Variants in CHODL observed in about 807,000 individuals in gnomAD.
CHODL encodes transmembrane protein MT75.
In CHODL, 29 loss-of-function variants were observed where a neutral mutation model predicts 34.5. The observed-to-expected ratio is 0.84, with a 90% confidence interval of 0.63 to 1.15. The LOEUF (loss-of-function observed/expected upper bound fraction) is 1.15. Ranked by LOEUF, CHODL falls within the 50% of genes most tolerant of loss-of-function variation. CHODL has a pLI of 0.00. For missense variants in CHODL, 332 were observed against 332.5 expected (o/e 1.00, Z 0.01); for synonymous variants, 125 against 116.1 (o/e 1.08, Z -0.49).
intron 2 of CHODL, among the ~76,000 whole-genome samples, chr21:18,042,933 A>G (rs1349381791): frequency 3.9e-5 from 6 of 151,916 alleles, no homozygotes; most frequent in African/African-American, 1.2e-4. Context: ...TAACTAATTC[A>G]AAATACCTTT....
intron 2 of CHODL, among the ~76,000 whole-genome samples, chr21:18,035,544 T>A (rs1260713210): frequency 2.6e-5 from 4 of 152,022 alleles, no homozygotes; most frequent in African/African-American, 7.2e-5. Flanking sequence ...AACAGTTTTT[T>A]CTTTTCCCTC....
chr21:18,250,004 C>A (rs1042206772), intron 1 of CHODL, among the ~76,000 whole-genome samples: 2 of 152,106 alleles, frequency 1.3e-5, no homozygotes, highest in Non-Finnish European at 2.9e-5. Context: ...CATCTCTCAC[C>A]AGGAGAGGTC....
intron 2 of CHODL, among the ~76,000 whole-genome samples, chr21:18,206,892 T>C (rs1188631152): frequency 7.2e-6 from 1 of 139,726 alleles, no homozygotes; most frequent in Non-Finnish European, 1.6e-5. Context: ...ATTATTATTA[T>C]TATTTTATTA....
chr21:18,203,071 T>G (rs1159546023), intron 2 of CHODL, among the ~76,000 whole-genome samples: 9 of 152,074 alleles, frequency 5.9e-5, no homozygotes, highest in Admixed American at 5.9e-4. Flanking sequence ...AAATTCAGTG[T>G]TTTTTTGTAT....
chr21:18,201,523 A>T (rs1410757054), intron 2 of CHODL, among the ~76,000 whole-genome samples: 1 of 151,986 alleles, frequency 6.6e-6, no homozygotes, highest in African/African-American at 2.4e-5. Flanking sequence ...TTGGCTAGGG[A>T]AAAGTACAAC....
intron 1 of CHODL, among the ~76,000 whole-genome samples, chr21:17,962,276 A>G (rs539640835): frequency 6.6e-6 from 1 of 152,208 alleles, no homozygotes; most frequent in Non-Finnish European, 1.5e-5. Flanking sequence ...AAATAGCTAA[A>G]TAGCTTATTT....
intron 2 of CHODL, among the ~76,000 whole-genome samples, chr21:18,145,123 C>A (rs1211213274): frequency 6.6e-6 from 1 of 150,722 alleles, no homozygotes; most frequent in Non-Finnish European, 1.5e-5. Flanking sequence ...CAGAACACTT[C>A]AACATCTCTG....
In CHODL at chr21:18,260,284, C is replaced by T; in HGVS notation, c.632C>T (p.Ala211Val). 1 of 1,567,544 alleles carries T rather than the reference C, an allele frequency of 6.4e-7. No individual in the cohort carries two copies. Among genetic ancestry groups the T allele is most frequent in the South Asian group, 1.2e-5 (1 of 85,066 alleles). ...DTHQNVVVTE[A>V]GIIPNLIYVV... ...CATCAGAATGTGGTTGTTACTGAAG[C>T]AGGTAATTACTTCATGTGTCTTTAA... The change falls in exon 4 of 6, where the codon GCA (alanine) becomes GTA (valine). Residue 211 changes from alanine (A) to valine (V), a missense_variant and splice_region_variant. By Grantham distance (64) the Ala-to-Val change is moderately conservative (BLOSUM62 0). Transcript: ENST00000299295.
chr21:18,156,349 G>A (rs2073034678), intron 2 of CHODL, among the ~76,000 whole-genome samples: 1 of 152,070 alleles, frequency 6.6e-6, no homozygotes, highest in African/African-American at 2.4e-5. Flanking sequence ...TTTGTTGGCT[G>A]TTGACTTTTG....
At chr21:17,996,846 C>A (rs1311978380) in intron 1 of CHODL, among the ~76,000 whole-genome samples, 1 of 152,022 alleles carries the variant, frequency 6.6e-6, no homozygotes, top group Non-Finnish European at 1.5e-5. Context: ...TTGGATGAAA[C>A]CTATGAGAAA....
At chr21:18,247,872 C>T (rs1304336758) in intron 1 of CHODL, among the ~76,000 whole-genome samples, 1 of 151,792 alleles carries the variant, frequency 6.6e-6, no homozygotes, top group Admixed American at 6.6e-5. Flanking sequence ...TTCTTTAGGA[C>T]AAAGGTAAAA....
chr21:18,233,562 A>C (rs1243991092), intron 2 of CHODL, among the ~76,000 whole-genome samples: 34 of 152,148 alleles, frequency 2.2e-4, no homozygotes, highest in Admixed American at 2.2e-3. Flanking sequence ...AAGAGCAGGA[A>C]GGCCAAATTA....
chr21:18,142,415 AT>A (rs1331325165), intron 2 of CHODL, among the ~76,000 whole-genome samples: 1 of 152,190 alleles, frequency 6.6e-6, no homozygotes, highest in African/African-American at 2.4e-5. Context: ...AAGCATGGGA[AT>A]TAGAAGTGGT....
chr21:18,156,580 C>T (rs748972282), intron 2 of CHODL, among the ~76,000 whole-genome samples: 16 of 152,218 alleles, frequency 1.1e-4, no homozygotes, highest in African/African-American at 2.9e-4. Flanking sequence ...TGGGTCAATA[C>T]GGTATCAATG....
At chr21:17,996,573 G>A (rs572507574) in intron 1 of CHODL, among the ~76,000 whole-genome samples, 1 of 152,200 alleles carries the variant, frequency 6.6e-6, no homozygotes, top group African/African-American at 2.4e-5. Flanking sequence ...ATGCCAAAAA[G>A]GGGAATCAAA....
intron 2 of CHODL, among the ~76,000 whole-genome samples, chr21:18,094,636 C>T (rs879433797): frequency 4.7e-5 from 7 of 150,402 alleles, no homozygotes; most frequent in East Asian, 3.9e-4. Context: ...AGAAGGAAAT[C>T]GAAAACTTTC....
chr21:17,937,873 C>G (rs2063330340), intron 1 of CHODL, among the ~76,000 whole-genome samples: 1 of 152,058 alleles, frequency 6.6e-6, no homozygotes, highest in African/African-American at 2.4e-5. Context: ...GTGCCAGGTG[C>G]TATGTTAAGG....
chr21:18,167,773 T>G (rs1297375905), intron 2 of CHODL, among the ~76,000 whole-genome samples: 1 of 152,218 alleles, frequency 6.6e-6, no homozygotes, highest in Non-Finnish European at 1.5e-5. Context: ...CTTTTGCAAA[T>G]GAGAAACCTG....
chr21:17,959,446 C>T (rs1362573739), intron 1 of CHODL, among the ~76,000 whole-genome samples: 2 of 152,096 alleles, frequency 1.3e-5, no homozygotes, highest in East Asian at 1.9e-4. Context: ...CATTTGGGAT[C>T]CAGAAAAGAT....
Sources: allele counts gnomAD v4.1 joint callset (sites outside exome capture counted in the v4.1 genomes callset), GRCh38; gene constraint gnomAD v4.1.1; transcripts MANE v1.5; gene names NCBI Gene and HGNC (gene_info 2026-07-23, HGNC 2026-07-21).